Variants in ACOX3 observed in about 807,000 individuals in gnomAD.
ACOX3 encodes peroxisomal acyl-coenzyme A oxidase 3.
ACOX3 carries 73 observed loss-of-function variants against 81.5 expected under a neutral mutation model. That is an observed-to-expected ratio of 0.90 (90% CI 0.74 to 1.09). The LOEUF is 1.09. Among genes scored for constraint, ACOX3 ranks in the 50% least tolerant of loss-of-function variants. The pLI, the probability that ACOX3 is intolerant of heterozygous loss-of-function variation, is 0.00. For missense variants in ACOX3, 947 were observed against 928.0 expected, an observed-to-expected ratio of 1.02 and a Z score of -0.27; for synonymous variants, 387 against 375.1, an observed-to-expected ratio of 1.03 and a Z score of -0.37.
chr4:8,356,593 T>A, the ACOX3 span: 14 of 456,544 alleles, frequency 3.1e-5, no homozygotes, highest in Admixed American at 3.1e-4. Flanking sequence ...GAAGAAAGTG[T>A]GCAGAATGGT....
chr4:8,410,809 C>A lies in ACOX3; in HGVS notation c.544-454G>T, dbSNP rs186100742. On this transcript the variant is annotated intron_variant, in intron 5 of 17. Coordinates refer to ENST00000356406, the MANE Select transcript of ACOX3 (RefSeq NM_003501.3). ...CACTGCTGCCCCCTTGCTGTCTCTC[C>A]CATCCACAGCTCCGTGATTGACAGT... Among the ~76,000 whole-genome samples the A allele has an allele frequency of 4.6e-3, 703 of 152,314 alleles. 4 individuals carry two copies. Among genetic ancestry groups the A allele is most frequent in the African/African-American group, 0.016 (664 of 41,568 alleles).
chr4:8,408,551 G>A (rs549761610), intron 6 of ACOX3, among the ~76,000 whole-genome samples: 18 of 152,332 alleles, frequency 1.2e-4, no homozygotes, highest in Admixed American at 9.8e-4. Flanking sequence ...CACGCCGAAA[G>A]CTGCTGAATT....
chr4:8,409,863 G>A lies in ACOX3; in HGVS notation c.687+349C>T, dbSNP rs190265190. Among the ~76,000 whole-genome samples, 297 of 151,764 alleles carry A rather than the reference G, an allele frequency of 2.0e-3. 2 individuals carry two copies. The highest frequency in any genetic ancestry group is 6.7e-3 in the African/African-American group (277 of 41,310). Reference sequence around the variant, plus strand: ...TGGGCAGAGCTGTCTGTGCGCTGCTGGTGGGGCTGTAGGATACACTGTGGG... The same window carrying A: ...TGGGCAGAGCTGTCTGTGCGCTGCTAGTGGGGCTGTAGGATACACTGTGGG... On this transcript the variant is annotated intron_variant, in intron 6 of 17. Transcript: ENST00000356406.
In ACOX3 at chr4:8,388,941, GGT is replaced by G. The variant is rs1466172157; in HGVS notation, c.1537+230_1537+231del. 2.6e-5 allele frequency among the ~76,000 whole-genome samples: 4 copies of G among 152,206 alleles called. No homozygotes were observed. The East Asian group carries it at 7.7e-4, about 29-fold the overall frequency. On this transcript the variant is annotated intron_variant, in intron 13 of 17. Coordinates refer to ENST00000356406, the MANE Select transcript of ACOX3 (RefSeq NM_003501.3). ...GGGAAAGGCAAGAGGCAAGGTATAA[GGT>G]GGCAAGTGGGCATCCTTCAATTCAT... is the stretch of plus-strand genomic sequence containing the variant.
At chr4:8,413,959 G>A (rs1722063735) in intron 5 of ACOX3, among the ~76,000 whole-genome samples, 1 of 152,338 alleles carries the variant, frequency 6.6e-6, no homozygotes, top group East Asian at 1.9e-4. Flanking sequence ...CATGAGAACG[G>A]TTTATGAATC....
At chr4:8,357,292 G>A in the ACOX3 span, 2 of 456,142 alleles carry the variant, frequency 4.4e-6, no homozygotes, top group Non-Finnish European at 4.4e-6. Flanking sequence ...GGGAATGCAG[G>A]GAGGACTCTG....
chr4:8,424,696 G>A (rs1224599869), intron 1 of ACOX3, among the ~76,000 whole-genome samples: 2 of 152,210 alleles, frequency 1.3e-5, no homozygotes, highest in South Asian at 4.1e-4. Context: ...GCGCACTCGT[G>A]CAACTCTTAA....
chr4:8,373,857 C>T (rs557501148), intron 15 of ACOX3: 10 of 578,208 alleles, frequency 1.7e-5, no homozygotes, highest in East Asian at 5.8e-5. Context: ...CTCTGGCCCG[C>T]GGCAGCGAGG....
rs61689829 is a variant in ACOX3, at chr4:8,376,348, T to TAAAA, written c.1654-1200_1654-1197dup. On this transcript the variant is annotated intron_variant, in intron 14 of 17. Coordinates refer to ENST00000356406, the MANE Select transcript of ACOX3 (RefSeq NM_003501.3). ...GATGAGCAGGTGCTACTTTTAAAATTAAAAAAAAAAAAATCCAGCCAAGTG... is the reference window on the plus strand; with the variant it reads ...GATGAGCAGGTGCTACTTTTAAAATTAAAAAAAAAAAAAAAAATCCAGCCAAGTG... Among the ~76,000 whole-genome samples, 110 of 148,678 alleles carry TAAAA rather than the reference T, an allele frequency of 7.4e-4. 1 individual carries two copies. Among genetic ancestry groups the TAAAA allele is most frequent in the Admixed American group, 1.5e-3 (23 of 14,936 alleles).
chr4:8,364,944 C>A (rs1418109138), downstream of ACOX3, among the ~76,000 whole-genome samples: 1 of 152,206 alleles, frequency 6.6e-6, no homozygotes, highest in Non-Finnish European at 1.5e-5. The surrounding 1 kb of genome is among the most constrained non-coding windows in gnomAD (Gnocchi z 5.0). Context: ...AGGCTGGCCA[C>A]CACCTAGAAT....
intron 1 of ACOX3, among the ~76,000 whole-genome samples, chr4:8,436,673 A>G (rs2109054254): frequency 6.6e-6 from 1 of 152,290 alleles, no homozygotes; most frequent in African/African-American, 2.4e-5. Flanking sequence ...GAGACTCTGT[A>G]AAGCATTCTG....
At chr4:8,408,891 T>TGGGGGGGGGGGGGGGGGGG (rs200811549) in intron 6 of ACOX3, among the ~76,000 whole-genome samples, 4 of 25,786 alleles carry the variant, frequency 1.6e-4, no homozygotes, top group Admixed American at 4.9e-4. Context: ...GAGCCCTCAC[T>TGGGGGGGGGGGGGGGGGGG]GGGGGGGGGG....
intron 8 of ACOX3, among the ~76,000 whole-genome samples, 166 bp from the exon 9 acceptor site, chr4:8,397,285 C>A (rs894857082): frequency 6.6e-6 from 1 of 152,188 alleles, no homozygotes; most frequent in African/African-American, 2.4e-5. Flanking sequence ...GTGCGGCAGG[C>A]GGGTAGAGAT....
chr4:8,412,084 C>T (rs1721789400), intron 5 of ACOX3, among the ~76,000 whole-genome samples: 1 of 152,252 alleles, frequency 6.6e-6, no homozygotes, highest in Non-Finnish European at 1.5e-5. Flanking sequence ...AGAAAGGGCC[C>T]CACCTCCTGG....
At chr4:8,409,606 G>A (rs532169241) in intron 6 of ACOX3, among the ~76,000 whole-genome samples, 9 of 146,200 alleles carry the variant, frequency 6.2e-5, no homozygotes, top group Admixed American at 6.1e-4. Flanking sequence ...AGGGCTATCT[G>A]TACTGTGGGT....
intron 1 of ACOX3, among the ~76,000 whole-genome samples, chr4:8,418,887 C>A (rs1383201584): frequency 6.6e-6 from 1 of 152,080 alleles, no homozygotes; most frequent in Non-Finnish European, 1.5e-5. Context: ...CAAACAACAA[C>A]AACAACAAAA....
intron 6 of ACOX3, among the ~76,000 whole-genome samples, chr4:8,408,013 C>A (rs936407058): frequency 9.2e-5 from 14 of 152,172 alleles, no homozygotes; most frequent in African/African-American, 2.9e-4. Context: ...ACTACCCAGC[C>A]CAAACTGTCA....
At chr4:8,426,587 T>C (rs1304478568) in intron 1 of ACOX3, among the ~76,000 whole-genome samples, 1 of 144,618 alleles carries the variant, frequency 6.9e-6, no homozygotes, top group Admixed American at 7.2e-5. Flanking sequence ...ATACTACCAG[T>C]AGCTCCCCTT....
chr4:8,366,702 C>A lies in ACOX3; in HGVS notation c.*259G>T. 3.2e-6 allele frequency: 1 copy of A among 309,420 alleles called. No individual in the cohort carries two copies. The highest frequency in any genetic ancestry group is 6.0e-6 in the Non-Finnish European group (1 of 165,632). The allele number at this position is 309,420 out of a possible 1,614,324, so 19.2% of individuals were successfully genotyped here. On this transcript the variant is annotated 3_prime_UTR_variant, in exon 18 of 18. Transcript: ENST00000356406. ...TGCGAAATTCTAATTATCAAAAAAC[C>A]CACGGCGCATCAGGTAGACATGATC... is the stretch of plus-strand genomic sequence containing the variant.
Sources: gnomAD v4.1 joint callset for allele counts (sites outside exome capture counted in the v4.1 genomes callset) on GRCh38, gnomAD v4.1.1 for gene constraint, Gnocchi (gnomAD v3.1) non-coding constraint, MANE v1.5 for transcripts, NCBI Gene and HGNC (gene_info 2026-07-23, HGNC 2026-07-21) for gene names.